The following DOCK10 variants were observed in gnomAD, a reference collection of about 807,000 sequenced individuals.
DOCK10 encodes dedicator of cytokinesis 10.
Under a neutral mutation model 280.1 loss-of-function variants are expected in DOCK10, and 145 were observed. That is an observed-to-expected ratio of 0.52 (90% CI 0.45 to 0.59). The LOEUF (loss-of-function observed/expected upper bound fraction) is 0.59. Among genes scored for constraint, DOCK10 ranks in the 20% least tolerant of loss-of-function variants. The pLI is 0.00. For synonymous variants in DOCK10, 915 were observed against 942.2 expected (o/e 0.97, Z 0.53); for missense variants, 2,368 against 2,651.7 (o/e 0.89, Z 2.35).
intron 52 of DOCK10, 49 bp downstream of exon 52, chr2:224,774,856 C>A (rs1483039867): frequency 6.6e-7 from 1 of 1,508,952 alleles, no homozygotes; most frequent in South Asian, 1.2e-5. Context: ...TATAAAGGGG[C>A]CTGTGCTGGA....
intron 1 of DOCK10, among the ~76,000 whole-genome samples, chr2:225,003,349 G>T (rs1706489446): frequency 6.6e-6 from 1 of 152,138 alleles, no homozygotes; most frequent in Non-Finnish European, 1.5e-5. Flanking sequence ...TGGCTGGAAG[G>T]TTACATTTTT....
intron 28 of DOCK10, among the ~76,000 whole-genome samples, chr2:224,822,261 A>C (rs1449548645): frequency 6.6e-6 from 1 of 152,206 alleles, no homozygotes; most frequent in Non-Finnish European, 1.5e-5. Context: ...GGTATACTGT[A>C]ATTATGTATC....
At chr2:224,785,755 A>G (rs975036354) in intron 50 of DOCK10, among the ~76,000 whole-genome samples, 1 of 152,206 alleles carries the variant, frequency 6.6e-6, no homozygotes, top group African/African-American at 2.4e-5. Context: ...ACTGGATTAC[A>G]GGCGTGAGCC....
chr2:224,986,233 C>A (rs952601699), intron 1 of DOCK10, among the ~76,000 whole-genome samples: 1 of 152,106 alleles, frequency 6.6e-6, no homozygotes, highest in South Asian at 2.1e-4. Flanking sequence ...CAAAGATGAG[C>A]TTAGATAAAA....
In DOCK10 at chr2:225,038,241, T is replaced by C. The variant is rs193236647; in HGVS notation, c.123+4011A>G. On this transcript the variant is annotated intron_variant, in intron 1 of 55. Coordinates refer to ENST00000258390, the MANE Select transcript of DOCK10 (RefSeq NM_014689.3). Reference sequence around the variant, plus strand: ...GCTATCACTTTCTGCATCTAGCATATGACTTTTGGGAAATTCCAGTATCCC... The same window carrying C: ...GCTATCACTTTCTGCATCTAGCATACGACTTTTGGGAAATTCCAGTATCCC... Among the ~76,000 whole-genome samples the C allele has an allele frequency of 4.0e-3, 599 of 150,922 alleles. 1 individual carries two copies. The highest frequency in any genetic ancestry group is 0.018 in the South Asian group (87 of 4,708).
At chr2:224,769,572 C>T (rs1690279637) in intron 55 of DOCK10, among the ~76,000 whole-genome samples, 1 of 152,214 alleles carries the variant, frequency 6.6e-6, no homozygotes, top group Non-Finnish European at 1.5e-5. Flanking sequence ...GGAAGCAACA[C>T]TTGGCTTTCA....
At chr2:224,834,070 C>T (rs937600134) in intron 26 of DOCK10, 80 bp downstream of exon 26, 6 of 804,690 alleles carry the variant, frequency 7.5e-6, no homozygotes, top group African/African-American at 3.5e-5. Flanking sequence ...TATGAAAATC[C>T]ATGACTCCTA....
chr2:224,823,729 T>C (rs1415852828), intron 27 of DOCK10, 82 bp from the exon 28 acceptor site: 3 of 1,303,204 alleles, frequency 2.3e-6, no homozygotes, highest in African/African-American at 1.6e-5. Flanking sequence ...ATATTTACTT[T>C]ATTTTATAGG....
chr2:224,776,581 C>G (rs1299771972), intron 51 of DOCK10, among the ~76,000 whole-genome samples: 1 of 151,272 alleles, frequency 6.6e-6, no homozygotes, highest in African/African-American at 2.4e-5. Context: ...TGCCCAGACT[C>G]AAGGATTTCA....
chr2:224,928,001 T>C (rs1172736302), intron 2 of DOCK10, among the ~76,000 whole-genome samples: 1 of 152,142 alleles, frequency 6.6e-6, no homozygotes, highest in African/African-American at 2.4e-5. Context: ...CCACTTCACA[T>C]TGACTCCGTG....
At position 224,805,506 on chromosome 2, in the gene DOCK10, T is replaced by C. The variant is rs1224052247; in HGVS notation, c.3838A>G (p.Thr1280Ala). The change falls in exon 35 of 56, where the codon ACA (threonine) becomes GCA (alanine). Residue 1280 changes from threonine (T) to alanine (A), a missense_variant. Physicochemically the swap from Thr to Ala is moderately conservative, Grantham distance 58. Around this residue, in one of 2 missense-constraint regions of DOCK10, gnomAD observed 1,159 missense variants for 1,400.8 expected, o/e 0.83. Transcript: ENST00000258390. The surrounding 1 kb of genome is among the most constrained non-coding windows in gnomAD (Gnocchi z 4.3). The stretch of plus-strand genomic sequence containing the variant: ...GCTCTGGAGTCAGCATGGTTTACTG[T>C]AGAAATAGCTATTGATGAAAATGCT... ...IAAFSSIAIS[T>A]VNHADSRASL... The C allele has an allele frequency of 3.1e-6, 5 of 1,612,390 alleles. No individual in the cohort carries two copies. The highest frequency in any genetic ancestry group is 1.3e-5 in the African/African-American group (1 of 74,810).
intron 1 of DOCK10, among the ~76,000 whole-genome samples, chr2:224,940,001 C>T (rs952569892): frequency 6.6e-6 from 1 of 152,158 alleles, no homozygotes; most frequent in African/African-American, 2.4e-5. Context: ...TTACTTCTTT[C>T]CACATTCCCA....
chr2:224,778,805 T>G (rs1691071853), intron 50 of DOCK10, among the ~76,000 whole-genome samples: 1 of 152,214 alleles, frequency 6.6e-6, no homozygotes, highest in African/African-American at 2.4e-5. Context: ...TTTATGTAGT[T>G]GTCGTAACAG....
At chr2:224,865,407 A>T (rs1697838706) in intron 11 of DOCK10, among the ~76,000 whole-genome samples, 1 of 152,210 alleles carries the variant, frequency 6.6e-6, no homozygotes, top group South Asian at 2.1e-4. Context: ...GGCCCTTGAA[A>T]ATCTGTAATG....
chr2:224,956,532 G>A (rs1704045475), intron 1 of DOCK10, among the ~76,000 whole-genome samples: 1 of 151,060 alleles, frequency 6.6e-6, no homozygotes, highest in Non-Finnish European at 1.5e-5. Flanking sequence ...CCTGAGGCAG[G>A]AGAATCACTT....
At chr2:224,953,184 T>G (rs1703860673) in intron 1 of DOCK10, among the ~76,000 whole-genome samples, 1 of 152,258 alleles carries the variant, frequency 6.6e-6, no homozygotes, top group Non-Finnish European at 1.5e-5. Context: ...ACTTCAGTTA[T>G]TACTTCCTTA....
intron 2 of DOCK10, among the ~76,000 whole-genome samples, chr2:224,925,059 C>G (rs1701978645): frequency 6.6e-6 from 1 of 151,964 alleles, no homozygotes; most frequent in African/African-American, 2.4e-5. Context: ...ACTCAGTTTT[C>G]AAATTGAAAT....
In DOCK10 at chr2:224,874,159, A is replaced by C; in HGVS notation, c.1102-8T>G. ...TTTTTGAAGTTTCAAGGTCTAAAAA[A>C]GTTTTGAATGAGTCACCAAACATCC... On this transcript the variant is annotated splice_polypyrimidine_tract_variant and splice_region_variant and intron_variant, in intron 10 of 55. Transcript: ENST00000258390. 1 of 1,582,866 alleles carries C rather than the reference A, an allele frequency of 6.3e-7. No individual in the cohort carries two copies. The highest frequency in any genetic ancestry group is 1.9e-5 in the Admixed American group (1 of 53,942).
At chr2:224,779,081 A>T (rs577490912) in intron 50 of DOCK10, among the ~76,000 whole-genome samples, 1 of 152,166 alleles carries the variant, frequency 6.6e-6, no homozygotes, top group Non-Finnish European at 1.5e-5. Context: ...GGAAGATTCT[A>T]TTAGCTGCAG....
Sources: allele counts gnomAD v4.1 joint callset (sites outside exome capture counted in the v4.1 genomes callset), GRCh38; gene constraint gnomAD v4.1.1; regional missense constraint gnomAD v4.1.1; non-coding constraint Gnocchi (gnomAD v3.1); transcripts MANE v1.5; gene names NCBI Gene and HGNC (gene_info 2026-07-23, HGNC 2026-07-21).